The following FRMD3 variants were observed in gnomAD, a reference collection of about 807,000 sequenced individuals.
FRMD3 encodes FERM domain containing 3.
Under a neutral mutation model 70.2 loss-of-function variants are expected in FRMD3, and 33 were observed. That is an observed-to-expected ratio of 0.47 (90% CI 0.36 to 0.63). FRMD3 has a LOEUF of 0.63. Among genes scored for constraint, FRMD3 ranks in the 20% least tolerant of loss-of-function variants. The pLI, the probability that FRMD3 is intolerant of heterozygous loss-of-function variation, is 0.00. For synonymous variants in FRMD3, 279 were observed against 255.9 expected (o/e 1.09, Z -0.86); for missense variants, 632 against 711.4 (o/e 0.89, Z 1.27).
chr9:83,514,198 G>C (rs967976591), intron 1 of FRMD3, among the ~76,000 whole-genome samples: 1 of 152,230 alleles, frequency 6.6e-6, no homozygotes, highest in African/African-American at 2.4e-5. Flanking sequence ...AGCCCAACAA[G>C]CTAAGATCTA....
At chr9:83,473,283 C>T (rs947902966) in intron 1 of FRMD3, among the ~76,000 whole-genome samples, 11 of 152,152 alleles carry the variant, frequency 7.2e-5, no homozygotes, top group East Asian at 1.9e-4. Flanking sequence ...CCAAGTTTGT[C>T]CACCCACTCT....
At chr9:83,528,155 T>G (rs1486394732) in intron 1 of FRMD3, among the ~76,000 whole-genome samples, 1 of 152,200 alleles carries the variant, frequency 6.6e-6, no homozygotes, top group African/African-American at 2.4e-5. Flanking sequence ...AAGAAGGGTC[T>G]CAAAACAAGA....
chr9:83,462,906 C>T (rs1429871650), intron 1 of FRMD3, among the ~76,000 whole-genome samples: 2 of 152,060 alleles, frequency 1.3e-5, no homozygotes, highest in African/African-American at 4.8e-5. Flanking sequence ...CATTTATGGC[C>T]ATAAAATTGA....
intron 1 of FRMD3, among the ~76,000 whole-genome samples, chr9:83,489,335 G>A (rs1049971739): frequency 6.6e-6 from 1 of 152,014 alleles, no homozygotes; most frequent in Non-Finnish European, 1.5e-5. Context: ...CAGAGTGGAA[G>A]AAAATATTCT....
chr9:83,536,930 T>TAAAAAAAAAAGAAA (rs1829905447), intron 1 of FRMD3, among the ~76,000 whole-genome samples: 1 of 60,894 alleles, frequency 1.6e-5, no homozygotes, highest in Non-Finnish European at 3.2e-5. Context: ...TGTATTACAC[T>TAAAAAAAAAAGAAA]AAAAAAAAAA....
chr9:83,457,406 A>G (rs1014212155), intron 1 of FRMD3, among the ~76,000 whole-genome samples: 1 of 152,178 alleles, frequency 6.6e-6, no homozygotes, highest in African/African-American at 2.4e-5. Flanking sequence ...TCAATGTCAC[A>G]CACACCCTCA....
chr9:83,412,727 G>C (rs1826314980), intron 1 of FRMD3, among the ~76,000 whole-genome samples: 1 of 152,212 alleles, frequency 6.6e-6, no homozygotes, highest in South Asian at 2.1e-4. Flanking sequence ...GGGCACGGTG[G>C]CTCACGCCTG....
At chr9:83,340,699 A>G (rs1167008469) in intron 5 of FRMD3, among the ~76,000 whole-genome samples, 2 of 152,250 alleles carry the variant, frequency 1.3e-5, no homozygotes, top group African/African-American at 4.8e-5. Context: ...AATGCATTGC[A>G]TGTCTTAAAT....
intron 5 of FRMD3, among the ~76,000 whole-genome samples, chr9:83,342,741 T>TAGATAGAC (rs1823814702): frequency 6.7e-6 from 1 of 150,000 alleles, no homozygotes; most frequent in Non-Finnish European, 1.5e-5. Flanking sequence ...GATAGTTAGA[T>TAGATAGAC]AGACACAAAA....
In FRMD3 at chr9:83,488,972, TTGTGTGTGTGTGTG is replaced by T. The variant is rs4014025; in HGVS notation, c.147+49099_147+49112del. The stretch of plus-strand genomic sequence containing the variant: ...AGCTGGAGCTTAGCCCCCTATACCT[TTGTGTGTGTGTGTG>T]TGTGTGTGTGTGTGTGTGTGTGTGT... On this transcript the variant is annotated intron_variant, in intron 1 of 13. Coordinates refer to ENST00000304195, the MANE Select transcript of FRMD3 (RefSeq NM_174938.6). Among the ~76,000 whole-genome samples the T allele has an allele frequency of 3.6e-3, 485 of 135,634 alleles. 5 individuals are homozygous for T. The highest frequency in any genetic ancestry group is 7.2e-3 in the Middle Eastern group (2 of 276). 89.0% of individuals were successfully genotyped at this position (135,634 alleles called of 152,430 possible). A position where few individuals can be genotyped will look rare whatever the true frequency, so the allele number is the denominator to read the frequency against.
At chr9:83,549,412 T>A in the FRMD3 span, among the ~76,000 whole-genome samples, 1 of 152,088 alleles carries the variant, frequency 6.6e-6, no homozygotes, top group African/African-American at 2.4e-5. Context: ...CTGCCACGAA[T>A]ATTTGTGTAC....
At chr9:83,490,045 C>T (rs1388036519) in intron 1 of FRMD3, among the ~76,000 whole-genome samples, 3 of 152,140 alleles carry the variant, frequency 2.0e-5, no homozygotes, top group Admixed American at 6.5e-5. Context: ...TATACACTGG[C>T]GCCCAGCCCC....
At chr9:83,294,827 C>G (rs1038376861) in intron 12 of FRMD3, among the ~76,000 whole-genome samples, 3 of 152,206 alleles carry the variant, frequency 2.0e-5, no homozygotes, top group African/African-American at 7.2e-5. Flanking sequence ...GCTTGCTACC[C>G]CTACTGTCCT....
chr9:83,308,503 C>T (rs1188599509), intron 10 of FRMD3, among the ~76,000 whole-genome samples: 1 of 152,090 alleles, frequency 6.6e-6, no homozygotes, highest in Non-Finnish European at 1.5e-5. Context: ...CTGTAAGGGG[C>T]AGGGGGACTG....
In FRMD3 at chr9:83,304,579, ACT is replaced by A. The variant is rs1835051871; in HGVS notation, c.926+4955_926+4956del. On this transcript the variant is annotated intron_variant, in intron 10 of 13. Transcript: ENST00000304195. ...GTTCCTTTGACAAAATGTACACCAAACTCTGAATAAGAAATGTATTAGGAACT... is the reference window on the plus strand; with the variant it reads ...GTTCCTTTGACAAAATGTACACCAAACTGAATAAGAAATGTATTAGGAACT... Among the ~76,000 whole-genome samples the A allele has an allele frequency of 2.6e-5, 4 of 152,250 alleles. No homozygotes were observed. In the South Asian group the frequency reaches 6.2e-4, roughly 24 times the overall value.
chr9:83,271,204 T>G (rs1242609379), intron 13 of FRMD3, among the ~76,000 whole-genome samples: 1 of 152,202 alleles, frequency 6.6e-6, no homozygotes, highest in East Asian at 1.9e-4. Flanking sequence ...TTGACAAGTA[T>G]AGTGGAGTCA....
At chr9:83,328,176 A>T (rs1402260731) in intron 6 of FRMD3, among the ~76,000 whole-genome samples, 2 of 133,792 alleles carry the variant, frequency 1.5e-5, no homozygotes, top group Admixed American at 8.4e-5. Flanking sequence ...CTGTTTCCTT[A>T]TCTGTAAAAA....
chr9:83,457,313 A>G (rs1332367862), intron 1 of FRMD3, among the ~76,000 whole-genome samples: 1 of 152,228 alleles, frequency 6.6e-6, no homozygotes, highest in African/African-American at 2.4e-5. Context: ...TTTAGGCTGT[A>G]TAGCATTCCT....
At chr9:83,555,923 C>T in the FRMD3 span, among the ~76,000 whole-genome samples, 1 of 152,180 alleles carries the variant, frequency 6.6e-6, no homozygotes, top group Non-Finnish European at 1.5e-5. Context: ...ATCGGTCATT[C>T]ACTTCTTGGT....
Sources: gnomAD v4.1 joint callset for allele counts (sites outside exome capture counted in the v4.1 genomes callset) on GRCh38, gnomAD v4.1.1 for gene constraint, MANE v1.5 for transcripts, NCBI Gene and HGNC (gene_info 2026-07-23, HGNC 2026-07-21) for gene names.